Variants in CTNNA3 observed in about 807,000 individuals in gnomAD.
The protein encoded by CTNNA3 is catenin alpha 3.
Under a neutral mutation model 95.7 loss-of-function variants are expected in CTNNA3, and 76 were observed. The observed-to-expected ratio is 0.79, with a 90% CI of 0.66 to 0.96. The LOEUF is 0.96. CTNNA3 is among the 40% of genes least tolerant of loss of function. CTNNA3 has a pLI of 0.00. For synonymous variants in CTNNA3, 431 were observed against 374.4 expected (o/e 1.15, Z -1.74); for missense variants, 1,191 against 1,089.8 (o/e 1.09, Z -1.31).
At chr10:66,369,919 C>A (rs2092741051) in intron 12 of CTNNA3, among the ~76,000 whole-genome samples, 1 of 152,050 alleles carries the variant, frequency 6.6e-6, no homozygotes, top group African/African-American at 2.4e-5. Flanking sequence ...CCCCACCCAA[C>A]CAGGACTACA....
intron 1 of CTNNA3, among the ~76,000 whole-genome samples, chr10:67,703,650 C>G (rs1841058983): frequency 6.6e-6 from 1 of 152,016 alleles, no homozygotes; most frequent in South Asian, 2.1e-4. Flanking sequence ...CTATCTATGA[C>G]AGACCCACAG....
At chr10:66,230,040 A>G (rs1366357665) in intron 13 of CTNNA3, among the ~76,000 whole-genome samples, 3 of 150,286 alleles carry the variant, frequency 2.0e-5, no homozygotes, top group African/African-American at 7.4e-5. Flanking sequence ...TTTTTATTTC[A>G]CTTATTGAAT....
At chr10:66,569,326 A>G (rs569106192) in intron 10 of CTNNA3, among the ~76,000 whole-genome samples, 1 of 152,290 alleles carries the variant, frequency 6.6e-6, no homozygotes, top group Admixed American at 6.5e-5. Flanking sequence ...AAACATTATC[A>G]AGGTTAATAA....
chr10:66,323,295 A>AT (rs979000930), intron 12 of CTNNA3, among the ~76,000 whole-genome samples: 3 of 151,904 alleles, frequency 2.0e-5, no homozygotes, highest in Admixed American at 6.6e-5. Flanking sequence ...TATTTAATAT[A>AT]TTTTTTTAAC....
intron 15 of CTNNA3, among the ~76,000 whole-genome samples, chr10:66,013,528 TCACA>T (rs553555457): frequency 2.6e-5 from 4 of 152,174 alleles, no homozygotes; most frequent in Non-Finnish European, 4.4e-5. Flanking sequence ...CATACACACA[TCACA>T]CACTAGTATT....
chr10:67,265,444 T>C (rs1445501069), intron 5 of CTNNA3, among the ~76,000 whole-genome samples: 3 of 152,126 alleles, frequency 2.0e-5, no homozygotes, highest in Non-Finnish European at 4.4e-5. Context: ...TAACAAAAGA[T>C]GGATAACTTA....
At chr10:67,486,867 T>C (rs1848469516) in intron 5 of CTNNA3, among the ~76,000 whole-genome samples, 1 of 152,238 alleles carries the variant, frequency 6.6e-6, no homozygotes, top group Non-Finnish European at 1.5e-5. Flanking sequence ...TCATTTTCTT[T>C]CTAATGAATC....
At chr10:66,687,831 A>G (rs1847357707) in intron 9 of CTNNA3, among the ~76,000 whole-genome samples, 2 of 152,116 alleles carry the variant, frequency 1.3e-5, no homozygotes, top group East Asian at 1.9e-4. Flanking sequence ...CTAATGAAAG[A>G]TAATATTTTC....
chr10:67,039,247 T>C (rs913580397), intron 7 of CTNNA3, among the ~76,000 whole-genome samples: 1 of 152,168 alleles, frequency 6.6e-6, no homozygotes, highest in Non-Finnish European at 1.5e-5. Flanking sequence ...GTGTAGCAGA[T>C]GTATAGAACT....
chr10:66,613,863 C>G (rs1289256835), intron 10 of CTNNA3, among the ~76,000 whole-genome samples: 1 of 151,892 alleles, frequency 6.6e-6, no homozygotes, highest in Non-Finnish European at 1.5e-5. Context: ...ATATTTGGGT[C>G]CTATATTGTT....
rs1843281977 is a variant in CTNNA3, at chr10:66,846,482, CA to C, written c.1048-70959del. 2.0e-5 allele frequency among the ~76,000 whole-genome samples: 3 copies of C among 151,954 alleles called. 1 individual carries two copies. The highest frequency in any genetic ancestry group is 7.2e-5 in the African/African-American group (3 of 41,420). ...AATGTTCTCACCACACACACACACA[CA>C]CACACACACACACAAAATGAGGGGA... is the stretch of plus-strand genomic sequence containing the variant. On this transcript the variant is annotated intron_variant, in intron 7 of 17. Transcript: ENST00000433211.
intron 11 of CTNNA3, among the ~76,000 whole-genome samples, chr10:66,478,302 T>C (rs966485512): frequency 2.0e-5 from 3 of 152,046 alleles, no homozygotes; most frequent in African/African-American, 4.8e-5. Context: ...ATCTTTACAC[T>C]GACAATGAGA....
chr10:66,296,305 A>G (rs2091775678), intron 12 of CTNNA3, among the ~76,000 whole-genome samples: 1 of 152,106 alleles, frequency 6.6e-6, no homozygotes, highest in Admixed American at 6.6e-5. Context: ...TTTCTATTGT[A>G]CTTTCTCAGC....
chr10:65,951,322 C>T (rs559853866), intron 17 of CTNNA3, among the ~76,000 whole-genome samples: 3 of 152,106 alleles, frequency 2.0e-5, no homozygotes, highest in Non-Finnish European at 4.4e-5. Flanking sequence ...AACCACGAGG[C>T]TCATTTCATC....
Position 66,322,956 on chromosome 10 carries a change from A to G in CTNNA3, c.1733-42335T>C, listed in dbSNP as rs180679200. ...AAGTCTCTAGTTAGTCACCTTTCCT[A>G]GAAATCCAAGAACTCCCATACTCCT... is the stretch of plus-strand genomic sequence containing the variant. On this transcript the variant is annotated intron_variant, in intron 12 of 17. Coordinates refer to ENST00000433211, the MANE Select transcript of CTNNA3 (RefSeq NM_013266.4). Among the ~76,000 whole-genome samples the G allele has an allele frequency of 2.6e-3, 391 of 151,902 alleles. 3 individuals are homozygous for G. The highest frequency in any genetic ancestry group is 4.2e-3 in the Non-Finnish European group (288 of 67,908).
Position 66,915,711 on chromosome 10 carries a change from A to AAT in CTNNA3, c.1048-140189_1048-140188dup, listed in dbSNP as rs71468808. Among the ~76,000 whole-genome samples the AAT allele has an allele frequency of 2.9e-3, 414 of 143,834 alleles. 6 individuals are homozygous for AAT. The highest frequency in any genetic ancestry group is 9.9e-3 in the African/African-American group (362 of 36,504). 94.4% of individuals were successfully genotyped at this position (143,834 alleles called of 152,430 possible). ...CGGCATTTGACATATATATATATATAATATATATATATACACACACACACA... is the reference window on the plus strand; with the variant it reads ...CGGCATTTGACATATATATATATATAATATATATATATATACACACACACACA... On this transcript the variant is annotated intron_variant, in intron 7 of 17. Transcript: ENST00000433211.
intron 12 of CTNNA3, among the ~76,000 whole-genome samples, chr10:66,286,333 G>A (rs1343722511): frequency 6.6e-6 from 1 of 151,842 alleles, no homozygotes; most frequent in Non-Finnish European, 1.5e-5. Context: ...CTCTTCCAGG[G>A]ATCTGGTTTC....
chr10:67,004,340 A>C (rs1191302880), intron 7 of CTNNA3, among the ~76,000 whole-genome samples: 1 of 152,226 alleles, frequency 6.6e-6, no homozygotes, highest in Non-Finnish European at 1.5e-5. Context: ...ATCAATATTC[A>C]TGTGAATCAA....
At chr10:66,075,681 T>C (rs1301924880) in intron 14 of CTNNA3, among the ~76,000 whole-genome samples, 1 of 151,750 alleles carries the variant, frequency 6.6e-6, no homozygotes, top group African/African-American at 2.4e-5. Context: ...ATTATAATTA[T>C]CTTATTCTCA....
Sources: gnomAD v4.1 joint callset for allele counts (sites outside exome capture counted in the v4.1 genomes callset) on GRCh38, gnomAD v4.1.1 for gene constraint, MANE v1.5 for transcripts, NCBI Gene and HGNC (gene_info 2026-07-23, HGNC 2026-07-21) for gene names.